HIVEP1: variants seen among roughly 807,000 people sequenced by gnomAD.
The protein encoded by HIVEP1 is zinc finger protein 40.
In HIVEP1, 36 loss-of-function variants were observed where a neutral mutation model predicts 180.0. That is an observed-to-expected ratio of 0.20 (90% CI 0.15 to 0.26). The LOEUF is 0.26. Ranked by LOEUF, HIVEP1 falls within the 10% of genes least tolerant of loss-of-function variation. The pLI is 1.00. For missense variants in HIVEP1, 3,143 were observed against 3,268.7 expected (o/e 0.96, Z 0.94); for synonymous variants, 1,239 against 1,239.0 (o/e 1.00, Z 0.00).
At chr6:12,009,966 T>C (rs2113533212), upstream of HIVEP1, among the ~76,000 whole-genome samples, 1 of 152,396 alleles carries the variant, frequency 6.6e-6, no homozygotes, top group Non-Finnish European at 1.5e-5. Context: ...GGTTAAACGT[T>C]ATTCATTCAG....
intron 3 of HIVEP1, among the ~76,000 whole-genome samples, chr6:12,118,131 A>AC (rs1311106156): frequency 1.7e-5 from 1 of 58,110 alleles, no homozygotes; most frequent in Non-Finnish European, 3.9e-5. Context: ...TAGTTATGAG[A>AC]CCCCCTTTTG....
chr6:12,018,237 C>T (rs142044011), intron 2 of HIVEP1, among the ~76,000 whole-genome samples: 83 of 152,340 alleles, frequency 5.4e-4, no homozygotes, highest in African/African-American at 1.8e-3. Flanking sequence ...ACAAGCGCCA[C>T]GCGCGGCCCC....
Position 12,161,762 on chromosome 6 carries a change from A to G in HIVEP1, c.6811A>G (p.Thr2271Ala), listed in dbSNP as rs1464634780. 10 of 1,614,152 alleles carry G rather than the reference A, an allele frequency of 6.2e-6. No individual in the cohort carries two copies. In the East Asian group the frequency reaches 2.2e-4, roughly 36 times the overall value. The change falls in exon 8 of 9, where the codon ACA (threonine) becomes GCA (alanine). Residue 2271 changes from threonine (T) to alanine (A), a missense_variant. By Grantham distance (58) the Thr-to-Ala change is moderately conservative (BLOSUM62 0). Coordinates refer to ENST00000379388, the MANE Select transcript of HIVEP1 (RefSeq NM_002114.4). ...AGCACAGTCTGACTACAATAGGAAG[A>G]CACTCTCTCCGGGGAAGGCCAGGCA... ...STAQSDYNRK[T>A]LSPGKARQRA...
At chr6:12,015,859 G>T (rs546352111) in intron 2 of HIVEP1, among the ~76,000 whole-genome samples, 191 bp downstream of exon 2, 1 of 152,300 alleles carries the variant, frequency 6.6e-6, no homozygotes, top group South Asian at 2.1e-4. Flanking sequence ...TCTGTTGAAT[G>T]AATGAATTGA....
upstream of HIVEP1, chr6:12,011,932 C>G (rs1561849142): frequency 7.1e-6 from 1 of 141,346 alleles, no homozygotes; most frequent in Admixed American, 6.9e-5. Flanking sequence ...GGATCCCCTG[C>G]CGCCCCGCCC....
intron 2 of HIVEP1, among the ~76,000 whole-genome samples, chr6:12,037,053 G>A (rs748182265): frequency 1.3e-5 from 2 of 152,186 alleles, no homozygotes; most frequent in Non-Finnish European, 2.9e-5. Flanking sequence ...AAGTAGTGAC[G>A]TTCAAGTTTT....
chr6:12,129,959 T>A, intron 5 of HIVEP1, 67 bp downstream of exon 5: 2 of 1,139,598 alleles, frequency 1.8e-6, no homozygotes, highest in Non-Finnish European at 1.3e-6. Context: ...TTTGCTTTCA[T>A]GTGAATGAAG....
Position 12,163,585 on chromosome 6 carries a change from G to A in HIVEP1, c.7281G>A (p.Thr2427=), listed in dbSNP as rs372021231. The change falls in exon 9 of 9, where the codon ACG becomes ACA. Residue 2427 remains threonine (T), a synonymous_variant. Coordinates refer to ENST00000379388, the MANE Select transcript of HIVEP1 (RefSeq NM_002114.4). ...TTCAGGCTGGACCAGTGCAGCTCAC[G>A]ATCCCTGCTGTCAGTGTCGTTCACA... is the stretch of plus-strand genomic sequence containing the variant. ...VPLQAGPVQL[T]IPAVSVVHRT... 8.1e-6 allele frequency: 13 copies of A among 1,614,036 alleles called. No homozygotes were observed. Among genetic ancestry groups the A allele is most frequent in the African/African-American group, 6.7e-5 (5 of 74,906 alleles).
chr6:12,009,113 G>T (rs1186945692), upstream of HIVEP1, among the ~76,000 whole-genome samples: 3 of 139,864 alleles, frequency 2.1e-5, no homozygotes, highest in Non-Finnish European at 3.2e-5. Context: ...GGATCTCCGC[G>T]TGGCGGTGGC....
chr6:12,088,450 A>C (rs139788997), intron 2 of HIVEP1, among the ~76,000 whole-genome samples: 137 of 152,234 alleles, frequency 9.0e-4, no homozygotes, highest in African/African-American at 3.0e-3. Flanking sequence ...TATAAAGTTT[A>C]AATTAATTAT....
At chr6:12,009,816 C>G (rs1767185491), upstream of HIVEP1, among the ~76,000 whole-genome samples, 1 of 152,240 alleles carries the variant, frequency 6.6e-6, no homozygotes, top group Non-Finnish European at 1.5e-5. Flanking sequence ...TATCGGTTTG[C>G]TGCTCAAGGA....
downstream of HIVEP1, among the ~76,000 whole-genome samples, chr6:12,165,552 C>T (rs1003407872): frequency 1.3e-5 from 2 of 152,206 alleles, no homozygotes; most frequent in African/African-American, 4.8e-5. Context: ...ATTACTATTT[C>T]CTGTCCTGGA....
chr6:12,112,231 A>C (rs1009984382), intron 3 of HIVEP1, among the ~76,000 whole-genome samples: 5 of 152,034 alleles, frequency 3.3e-5, no homozygotes, highest in Non-Finnish European at 7.4e-5. Context: ...ATATCACACC[A>C]TGGTTTCCGT....
At chr6:12,056,447 T>A (rs1770875730) in intron 2 of HIVEP1, among the ~76,000 whole-genome samples, 1 of 152,180 alleles carries the variant, frequency 6.6e-6, no homozygotes. Flanking sequence ...TTTTGTTCAT[T>A]TATTTGTTGT....
At chr6:12,030,912 T>C (rs1483205347) in intron 2 of HIVEP1, among the ~76,000 whole-genome samples, 1 of 152,234 alleles carries the variant, frequency 6.6e-6, no homozygotes, top group East Asian at 1.9e-4. Context: ...ATTCTGATCC[T>C]TGCTCCCTTG....
intron 3 of HIVEP1, among the ~76,000 whole-genome samples, chr6:12,113,837 C>T (rs1055511978): frequency 6.6e-6 from 1 of 152,184 alleles, no homozygotes; most frequent in Admixed American, 6.5e-5. Flanking sequence ...GCTGCTGCCA[C>T]GAAACTTCTC....
intron 3 of HIVEP1, among the ~76,000 whole-genome samples, chr6:12,099,561 A>G (rs1228023065): frequency 6.6e-6 from 1 of 152,032 alleles, no homozygotes; most frequent in Non-Finnish European, 1.5e-5. Flanking sequence ...CATGACCCTT[A>G]TATGTGAAGA....
chr6:12,114,384 T>C (rs1775093156), intron 3 of HIVEP1, among the ~76,000 whole-genome samples: 5 of 152,182 alleles, frequency 3.3e-5, no homozygotes, highest in Admixed American at 3.3e-4. Flanking sequence ...AAACCCCCAC[T>C]TCCTGGCTGT....
intron 7 of HIVEP1, among the ~76,000 whole-genome samples, chr6:12,155,445 T>C (rs2157495): frequency 0.31 from 45,657 of 148,008 alleles, 7,320 homozygotes; most frequent in Middle Eastern, 0.47. Context: ...GTGAGTATTG[T>C]TCCCCCCAAT....
Sources: allele counts gnomAD v4.1 joint callset (sites outside exome capture counted in the v4.1 genomes callset), GRCh38; gene constraint gnomAD v4.1.1; transcripts MANE v1.5; gene names NCBI Gene and HGNC (gene_info 2026-07-23, HGNC 2026-07-21).